ARMC9: variants seen among roughly 807,000 people sequenced by gnomAD.
The protein encoded by ARMC9 is armadillo repeat containing 9.
A neutral mutation model predicts 107.0 loss-of-function variants in ARMC9; 94 were observed. That is an observed-to-expected ratio of 0.88 (90% confidence interval 0.74 to 1.04). The LOEUF (loss-of-function observed/expected upper bound fraction) is 1.04, where lower values mean the gene tolerates loss of function less well. Among genes scored for constraint, ARMC9 ranks in the 50% least tolerant of loss-of-function variants. ARMC9 has a pLI of 0.00. For missense variants in ARMC9, 942 were observed against 1,030.1 expected, an observed-to-expected ratio of 0.91 and a Z score of 1.17; for synonymous variants, 380 against 396.9, an observed-to-expected ratio of 0.96 and a Z score of 0.51.
intron 8 of ARMC9, among the ~76,000 whole-genome samples, chr2:231,235,703 C>T (rs529036621): frequency 3.6e-4 from 54 of 152,108 alleles, no homozygotes; most frequent in Non-Finnish European, 5.9e-4. Context: ...AGTGCAATGG[C>T]GTGATCTCGG....
At chr2:231,315,234 A>C (rs1255500103) in intron 19 of ARMC9, among the ~76,000 whole-genome samples, 1 of 131,248 alleles carries the variant, frequency 7.6e-6, no homozygotes, top group African/African-American at 3.4e-5. Context: ...GCAAGACTCT[A>C]TCTCAAAAAA....
chr2:231,258,797 A>C (rs546236041), intron 10 of ARMC9, among the ~76,000 whole-genome samples, 194 bp from the exon 11 acceptor site: 1 of 152,146 alleles, frequency 6.6e-6, no homozygotes, highest in South Asian at 2.1e-4. Context: ...ATCCAACAGA[A>C]TAGGCAGAGC....
chr2:231,327,406 T>C (rs1474780594), intron 19 of ARMC9, among the ~76,000 whole-genome samples: 3 of 152,210 alleles, frequency 2.0e-5, no homozygotes, highest in Non-Finnish European at 4.4e-5. Flanking sequence ...TTTTATCATT[T>C]CCAGAATGTT....
intron 10 of ARMC9, 93 bp from the exon 11 acceptor site, chr2:231,258,898 C>T: frequency 8.5e-7 from 1 of 1,169,868 alleles, no homozygotes; most frequent in Non-Finnish European, 1.3e-6. Flanking sequence ...ATGGGAACAG[C>T]AGGCTCTAGC....
intron 5 of ARMC9, among the ~76,000 whole-genome samples, chr2:231,220,780 A>G (rs2034042216): frequency 6.6e-6 from 1 of 152,166 alleles, no homozygotes; most frequent in African/African-American, 2.4e-5. Context: ...CTCATGTCCA[A>G]AGAGGCTTTA....
chr2:231,231,124 G>C (rs1054167782), intron 7 of ARMC9, among the ~76,000 whole-genome samples: 4 of 152,168 alleles, frequency 2.6e-5, no homozygotes, highest in African/African-American at 4.8e-5. Context: ...AACTTCCGGG[G>C]GGAAGGGTTC....
intron 12 of ARMC9, among the ~76,000 whole-genome samples, chr2:231,264,696 C>T (rs1287640208): frequency 1.3e-5 from 2 of 149,048 alleles, no homozygotes; most frequent in African/African-American, 5.0e-5. Flanking sequence ...GGGATTTCTC[C>T]ATGTTGGTCA....
chr2:231,275,741 G>A (rs942466309), intron 14 of ARMC9, among the ~76,000 whole-genome samples: 2 of 152,324 alleles, frequency 1.3e-5, no homozygotes, highest in Admixed American at 6.5e-5. Context: ...ATCAGCTGAG[G>A]TTGGGAGTTC....
At chr2:231,252,871 C>T (rs971789970) in intron 9 of ARMC9, among the ~76,000 whole-genome samples, 3 of 150,134 alleles carry the variant, frequency 2.0e-5, no homozygotes, top group Non-Finnish European at 3.0e-5. Flanking sequence ...AACTCCTGGG[C>T]TCAAGTGATC....
intron 9 of ARMC9, chr2:231,256,123 C>A (rs953688415): frequency 4.5e-6 from 7 of 1,551,646 alleles, no homozygotes; most frequent in Non-Finnish European, 6.1e-6. Flanking sequence ...TGCAGCCTAT[C>A]AAGCTGGCCA....
Position 231,360,042 on chromosome 2 carries a change from GC to G in ARMC9, c.2132-711del, listed in dbSNP as rs1257051812. Among the ~76,000 whole-genome samples, 4 of 152,198 alleles carry G rather than the reference GC, an allele frequency of 2.6e-5. No individual in the cohort carries two copies. Among genetic ancestry groups the G allele is most frequent in the Non-Finnish European group, 4.4e-5 (3 of 68,028 alleles). ...TGCAGCAGTGACATGGACCCCTTCA[GC>G]TGTAGGAGAAGAGGAGAGGCGGGGT... On this transcript the variant is annotated intron_variant, in intron 22 of 24. Coordinates refer to ENST00000611582, the MANE Select transcript of ARMC9 (RefSeq NM_001352754.2). This position sits in a 1 kb window ranked among gnomAD's most constrained non-coding sequence, Gnocchi z 4.7.
intron 19 of ARMC9, among the ~76,000 whole-genome samples, chr2:231,320,218 C>G (rs762628633): frequency 1.3e-5 from 2 of 152,150 alleles, no homozygotes; most frequent in African/African-American, 4.8e-5. Flanking sequence ...TCTTCATCCT[C>G]GTGTCCTTAT....
At position 231,276,722 on chromosome 2, in the gene ARMC9, ACAC is replaced by A; in HGVS notation, c.1422_1424del (p.Tyr474_Thr475delinsTer). ...AAGGACCCTGACTGCCTGTCTGACT[ACAC>A]GCTGGAGTACTCGGTGGCTTTGCTC... On this transcript the variant is annotated stop_gained and inframe_deletion, in exon 15 of 25. Transcript: ENST00000611582. LOFTEE classifies it high-confidence loss of function. The A allele has an allele frequency of 6.2e-7, 1 of 1,614,074 alleles. No homozygotes were observed. The highest frequency in any genetic ancestry group is 8.5e-7 in the Non-Finnish European group (1 of 1,180,012).
chr2:231,291,559 T>C (rs2040994791), intron 18 of ARMC9, 116 bp downstream of exon 18: 6 of 1,023,888 alleles, frequency 5.9e-6, no homozygotes, highest in Non-Finnish European at 8.6e-6. Flanking sequence ...GGCTCGTGCT[T>C]ATAATCCCAG....
Position 231,331,817 on chromosome 2 carries a change from G to A in ARMC9, c.1798G>A (p.Asp600Asn), listed in dbSNP as rs143200464. 2.6e-5 allele frequency: 42 copies of A among 1,613,812 alleles called. No homozygotes were observed. Among genetic ancestry groups the A allele is most frequent in the African/African-American group, 2.0e-4 (15 of 74,922 alleles). The change falls in exon 20 of 25, where the codon GAT becomes AAT. Residue 600 changes from aspartate (D) to asparagine (N), a missense_variant. Coordinates refer to ENST00000611582, the MANE Select transcript of ARMC9 (RefSeq NM_001352754.2). ...GGAGGACCATGACATCATGGAAGCC[G>A]ATCTGGACAAAGACGAACTGATCCA... ...DEEDHDIMEA[D>N]LDKDELIQPQ... is the part of the protein sequence containing the mutation.
chr2:231,288,283 A>T (rs983802071), intron 17 of ARMC9, among the ~76,000 whole-genome samples: 2 of 152,202 alleles, frequency 1.3e-5, no homozygotes, highest in African/African-American at 4.8e-5. Flanking sequence ...TGAGTTACGT[A>T]AAACAATGTA....
chr2:231,250,007 C>T (rs749741744), intron 9 of ARMC9, among the ~76,000 whole-genome samples: 7 of 151,190 alleles, frequency 4.6e-5, no homozygotes, highest in Non-Finnish European at 1.0e-4. Flanking sequence ...CACACCTCCA[C>T]GGGAGGGAGA....
chr2:231,227,884 G>A lies in ARMC9; in HGVS notation c.622+1086G>A, dbSNP rs144414544. 5.3e-3 allele frequency among the ~76,000 whole-genome samples: 803 copies of A among 152,276 alleles called. 11 individuals are homozygous for A. Among genetic ancestry groups the A allele is most frequent in the African/African-American group, 0.019 (774 of 41,556 alleles). On this transcript the variant is annotated intron_variant, in intron 7 of 24. Transcript: ENST00000611582. Reference sequence around the variant, plus strand: ...TGCCAGCCATGCTGACCCTTCTGTCGCTCAGAGGGGACAGGCCCTGCTGGC... The same window carrying A: ...TGCCAGCCATGCTGACCCTTCTGTCACTCAGAGGGGACAGGCCCTGCTGGC...
chr2:231,211,854 C>T (rs781688633), intron 3 of ARMC9, among the ~76,000 whole-genome samples: 5 of 152,058 alleles, frequency 3.3e-5, no homozygotes, highest in Non-Finnish European at 7.4e-5. Flanking sequence ...TCTCTGATGT[C>T]TTCAGGTCTA....
Sources: gnomAD v4.1 joint callset for allele counts (sites outside exome capture counted in the v4.1 genomes callset) on GRCh38, gnomAD v4.1.1 for gene constraint, Gnocchi (gnomAD v3.1) non-coding constraint, MANE v1.5 for transcripts, NCBI Gene and HGNC (gene_info 2026-07-23, HGNC 2026-07-21) for gene names.